The following GRB10 variants were observed in gnomAD, a reference collection of about 807,000 sequenced individuals.
The protein encoded by GRB10 is growth factor receptor bound protein 10, also known as growth factor receptor-bound protein 10.
Under a neutral mutation model 80.9 loss-of-function variants are expected in GRB10, and 20 were observed. The observed-to-expected ratio is 0.25, with a 90% CI of 0.17 to 0.36. The LOEUF (loss-of-function observed/expected upper bound fraction) is 0.36, where lower values mean the gene tolerates loss of function less well. Ranked by LOEUF, GRB10 falls within the 10% of genes least tolerant of loss-of-function variation. GRB10 has a pLI of 1.00. For synonymous variants in GRB10, 291 were observed against 291.5 expected (o/e 1.00, Z 0.02); for missense variants, 548 against 747.7 (o/e 0.73, Z 3.12).
intron 7 of GRB10, among the ~76,000 whole-genome samples, chr7:50,628,058 A>G (rs1024767142): frequency 2.0e-5 from 3 of 152,176 alleles, no homozygotes; most frequent in Non-Finnish European, 4.4e-5. Flanking sequence ...CTTGGGGGTG[A>G]GGACGCCAAC....
intron 8 of GRB10, among the ~76,000 whole-genome samples, chr7:50,620,919 C>G (rs901703756): frequency 1.3e-5 from 2 of 151,958 alleles, no homozygotes; most frequent in Non-Finnish European, 2.9e-5. Context: ...AACAAAAACC[C>G]AAAACCAAAA....
At chr7:50,774,855 G>A (rs1219203079) in intron 2 of GRB10, among the ~76,000 whole-genome samples, 1 of 151,990 alleles carries the variant, frequency 6.6e-6, no homozygotes, top group Non-Finnish European at 1.5e-5. Context: ...CTGAGGCAAA[G>A]TACTTCAGAC....
At chr7:50,633,608 G>A (rs1432383463) in intron 7 of GRB10, among the ~76,000 whole-genome samples, 3 of 151,994 alleles carry the variant, frequency 2.0e-5, no homozygotes, top group Non-Finnish European at 4.4e-5. Context: ...GAAGTGTAAG[G>A]AAGCTCAATG....
At chr7:50,703,500 T>G (rs947450905) in intron 5 of GRB10, among the ~76,000 whole-genome samples, 2 of 152,152 alleles carry the variant, frequency 1.3e-5, no homozygotes, top group African/African-American at 4.8e-5. Context: ...AACATAAAAA[T>G]GCCAAAATCA....
chr7:50,662,962 ATT>A (rs1442677809), intron 7 of GRB10, among the ~76,000 whole-genome samples: 5 of 152,100 alleles, frequency 3.3e-5, no homozygotes, highest in Non-Finnish European at 1.5e-5. Context: ...ACCTTTACCA[ATT>A]TTGCAAATTC....
intron 4 of GRB10, among the ~76,000 whole-genome samples, chr7:50,712,017 C>T (rs774778489): frequency 4.6e-5 from 7 of 151,850 alleles, no homozygotes; most frequent in Non-Finnish European, 1.0e-4. Context: ...CCTTAACAAC[C>T]GAGCTATGGG....
chr7:50,672,664 C>A (rs1011534067), intron 6 of GRB10, among the ~76,000 whole-genome samples: 3 of 152,148 alleles, frequency 2.0e-5, no homozygotes, highest in Non-Finnish European at 4.4e-5. Flanking sequence ...GCGAGTTCAG[C>A]CAGAACTCGA....
At position 50,650,526 on chromosome 7, in the gene GRB10, T is replaced by C. The variant is rs78236497; in HGVS notation, c.504+19196A>G. On this transcript the variant is annotated intron_variant, in intron 7 of 18. Transcript: ENST00000401949. ...TCTGGAATGAGGATGAAACTGACCA[T>C]GGAGGAAGGAAAAGAAAATCAATGA... is the stretch of plus-strand genomic sequence containing the variant. Among the ~76,000 whole-genome samples, 1,363 of 152,180 alleles carry C rather than the reference T, an allele frequency of 9.0e-3. 19 individuals are homozygous for C. Among genetic ancestry groups the C allele is most frequent in the African/African-American group, 0.031 (1,268 of 41,482 alleles).
chr7:50,790,758 A>G (rs901878452), intron 1 of GRB10, among the ~76,000 whole-genome samples: 22 of 152,284 alleles, frequency 1.4e-4, no homozygotes, highest in African/African-American at 5.1e-4. Flanking sequence ...CCTTTAAAGC[A>G]TTCGGTTTTA....
At chr7:50,723,572 G>A (rs533354643) in intron 4 of GRB10, among the ~76,000 whole-genome samples, 6 of 152,288 alleles carry the variant, frequency 3.9e-5, no homozygotes, top group East Asian at 3.9e-4. Context: ...GGTTTTTAGC[G>A]ATCCAGCCCC....
At chr7:50,626,078 A>G (rs1453195558) in intron 8 of GRB10, among the ~76,000 whole-genome samples, 1 of 152,264 alleles carries the variant, frequency 6.6e-6, no homozygotes, top group Non-Finnish European at 1.5e-5. Flanking sequence ...TGTAAGAACT[A>G]TATTTATTAG....
intron 2 of GRB10, among the ~76,000 whole-genome samples, chr7:50,767,579 T>TGG (rs1410999860): frequency 2.6e-5 from 4 of 152,098 alleles, no homozygotes; most frequent in African/African-American, 9.7e-5. Flanking sequence ...ATCGCACTCT[T>TGG]GAGTCACAGT....
chr7:50,705,209 A>T, intron 4 of GRB10: 1 of 985,820 alleles, frequency 1.0e-6, no homozygotes, highest in Non-Finnish European at 1.2e-6. Context: ...GGGGAAGCAG[A>T]GGGTAGCCCA....
At chr7:50,753,644 G>A (rs2074533419) in intron 3 of GRB10, among the ~76,000 whole-genome samples, 1 of 152,210 alleles carries the variant, frequency 6.6e-6, no homozygotes, top group African/African-American at 2.4e-5. Context: ...GGAGGACAGA[G>A]GAAGCACCCC....
At chr7:50,616,433 T>G in intron 10 of GRB10, 86 bp from the exon 11 acceptor site, 1 of 1,310,536 alleles carries the variant, frequency 7.6e-7, no homozygotes, top group Non-Finnish European at 1.1e-6. Flanking sequence ...TGACATTTTC[T>G]GAATTATTAA....
chr7:50,654,270 C>T (rs771040914), intron 7 of GRB10, among the ~76,000 whole-genome samples: 1 of 152,222 alleles, frequency 6.6e-6, no homozygotes, highest in Non-Finnish European at 1.5e-5. Flanking sequence ...GCGAGTGTTT[C>T]CCATGGCCAA....
At chr7:50,716,898 G>A (rs1376357242) in intron 4 of GRB10, among the ~76,000 whole-genome samples, 2 of 152,168 alleles carry the variant, frequency 1.3e-5, no homozygotes, top group Admixed American at 6.5e-5. Context: ...AAAAGATTAC[G>A]ATAAACTACC....
intron 3 of GRB10, among the ~76,000 whole-genome samples, chr7:50,746,998 T>C (rs1476297740): frequency 2.0e-5 from 3 of 152,180 alleles, no homozygotes; most frequent in Non-Finnish European, 4.4e-5. Flanking sequence ...CTCTAGCCCT[T>C]TCTCTCTCTG....
At position 50,731,001 on chromosome 7, in the gene GRB10, A is replaced by C. The variant is rs11974213; in HGVS notation, c.51+1271T>G. Reference sequence around the variant, plus strand: ...GGGCCCGGACAACTAGCTAACACTAACTGGCCACACGAGAACTGGACTTGT... The same window carrying C: ...GGGCCCGGACAACTAGCTAACACTACCTGGCCACACGAGAACTGGACTTGT... On this transcript the variant is annotated intron_variant, in intron 4 of 18. Coordinates refer to ENST00000401949, the MANE Select transcript of GRB10 (RefSeq NM_001350814.2). Among the ~76,000 whole-genome samples the C allele has an allele frequency of 7.0e-3, 1,071 of 152,288 alleles. 8 individuals carry two copies. The highest frequency in any genetic ancestry group is 0.02 in the Middle Eastern group (6 of 294).
Sources: gnomAD v4.1 joint callset for allele counts (sites outside exome capture counted in the v4.1 genomes callset) on GRCh38, gnomAD v4.1.1 for gene constraint, MANE v1.5 for transcripts, NCBI Gene and HGNC (gene_info 2026-07-23, HGNC 2026-07-21) for gene names.